MTHFS: variants seen among roughly 807,000 people sequenced by gnomAD.
MTHFS encodes methenyltetrahydrofolate synthetase.
In MTHFS, 7 loss-of-function variants were observed where a neutral mutation model predicts 12.7. That is an observed-to-expected ratio of 0.55 (90% confidence interval 0.31 to 1.03). The LOEUF (loss-of-function observed/expected upper bound fraction) is 1.03. MTHFS is among the 50% of genes least tolerant of loss of function. The pLI, the probability that MTHFS is intolerant of heterozygous loss-of-function variation, is 0.05. For missense variants in MTHFS, 252 were observed against 258.1 expected, an observed-to-expected ratio of 0.98 and a Z score of 0.16; for synonymous variants, 100 against 97.1, an observed-to-expected ratio of 1.03 and a Z score of -0.18.
intron 2 of MTHFS, chr15:79,877,340 T>C (rs2034216174): frequency 6.6e-6 from 1 of 152,000 alleles, no homozygotes; most frequent in Non-Finnish European, 1.5e-5. Flanking sequence ...GAACCTCCTA[T>C]AGTTGATGAA....
chr15:79,879,157 A>G (rs1388350957), intron 2 of MTHFS, among the ~76,000 whole-genome samples: 1 of 151,864 alleles, frequency 6.6e-6, no homozygotes, highest in Non-Finnish European at 1.5e-5. Context: ...TGTATCATCC[A>G]TTAGTGGAAT....
At chr15:79,872,725 T>G (rs1390996739) in intron 2 of MTHFS, among the ~76,000 whole-genome samples, 1 of 152,188 alleles carries the variant, frequency 6.6e-6, no homozygotes, top group Admixed American at 6.5e-5. Flanking sequence ...TGCCATGGCA[T>G]TTGTAAATCG....
Position 79,844,883 on chromosome 15 carries a change from T to G in MTHFS, c.*327A>C. ...AGTGCCCACTCCCGCAAGTTTACCTTCCTCTCGCACTCAGTCGGAGCACAG... is the reference window on the plus strand; with the variant it reads ...AGTGCCCACTCCCGCAAGTTTACCTGCCTCTCGCACTCAGTCGGAGCACAG... On this transcript the variant is annotated 3_prime_UTR_variant, in exon 3 of 3. Coordinates refer to ENST00000258874, the MANE Select transcript of MTHFS (RefSeq NM_006441.4). 1 of 311,072 alleles carries G rather than the reference T, an allele frequency of 3.2e-6. No homozygotes were observed. The highest frequency in any genetic ancestry group is 6.0e-6 in the Non-Finnish European group (1 of 165,612). The allele number at this position is 311,072 out of a possible 1,614,324, so 19.3% of individuals were successfully genotyped here.
At chr15:79,870,236 C>T (rs1353182531) in intron 2 of MTHFS, among the ~76,000 whole-genome samples, 1 of 152,218 alleles carries the variant, frequency 6.6e-6, no homozygotes, top group Admixed American at 6.5e-5. Context: ...AGGTCACAAA[C>T]TATAGCCCTA....
chr15:79,847,978 T>C (rs1184881318), intron 2 of MTHFS, among the ~76,000 whole-genome samples: 1 of 152,220 alleles, frequency 6.6e-6, no homozygotes, highest in African/African-American at 2.4e-5. Flanking sequence ...AACTACCATA[T>C]GGCCCAGCAA....
At chr15:79,851,557 G>A (rs1210521360) in intron 2 of MTHFS, among the ~76,000 whole-genome samples, 1 of 152,154 alleles carries the variant, frequency 6.6e-6, no homozygotes, top group African/African-American at 2.4e-5. Context: ...CCTACGATGT[G>A]TCAGCCAAGA....
intron 2 of MTHFS, among the ~76,000 whole-genome samples, chr15:79,860,821 G>A (rs1422825229): frequency 3.9e-5 from 6 of 152,114 alleles, no homozygotes; most frequent in African/African-American, 4.8e-5. Flanking sequence ...TGAGGTTTCC[G>A]GTTACAGTGT....
In MTHFS at chr15:79,843,772, A is replaced by T. The variant is rs2033560867; in HGVS notation, c.*1438T>A. On this transcript the variant is annotated 3_prime_UTR_variant, in exon 3 of 3. Coordinates refer to ENST00000258874, the MANE Select transcript of MTHFS (RefSeq NM_006441.4). Reference sequence around the variant, plus strand: ...GCTCACAGTATGGTGAAGGGGACAGATATGACAACAAATAATTTGATACGT... The same window carrying T: ...GCTCACAGTATGGTGAAGGGGACAGTTATGACAACAAATAATTTGATACGT... 2 of 152,254 alleles carry T rather than the reference A, an allele frequency of 1.3e-5. No individual in the cohort carries two copies. Among genetic ancestry groups the T allele is most frequent in the Admixed American group, 6.5e-5 (1 of 15,284 alleles). The allele number at this position is 152,254 out of a possible 1,614,324, so 9.4% of individuals were successfully genotyped here.
chr15:79,846,053 T>G (rs1020159749), intron 2 of MTHFS, among the ~76,000 whole-genome samples: 1 of 152,220 alleles, frequency 6.6e-6, no homozygotes, highest in African/African-American at 2.4e-5. Context: ...ACTAGTTCTC[T>G]GGCTACAACC....
chr15:79,847,879 C>A (rs183329717), intron 2 of MTHFS, among the ~76,000 whole-genome samples: 22 of 152,256 alleles, frequency 1.4e-4, no homozygotes, highest in Middle Eastern at 6.8e-3. Context: ...GTGGAGAAAT[C>A]AGAACCCTTG....
At chr15:79,887,528 G>A (rs2034403109) in intron 2 of MTHFS, among the ~76,000 whole-genome samples, 1 of 152,216 alleles carries the variant, frequency 6.6e-6, no homozygotes. Flanking sequence ...ACATTATAGA[G>A]ATGATACAAG....
At chr15:79,894,251 C>T (rs1596085255) in intron 1 of MTHFS, among the ~76,000 whole-genome samples, 1 of 152,026 alleles carries the variant, frequency 6.6e-6, no homozygotes, top group African/African-American at 2.4e-5. Flanking sequence ...CATGGCGGCA[C>T]GTGCCTGTAA....
chr15:79,855,173 G>GT (rs1284180714), intron 2 of MTHFS, among the ~76,000 whole-genome samples: 1 of 151,834 alleles, frequency 6.6e-6, no homozygotes, highest in East Asian at 1.9e-4. Flanking sequence ...CTGCCATAAG[G>GT]TTTTTAACAA....
chr15:79,851,941 T>C (rs1303940834), intron 2 of MTHFS, among the ~76,000 whole-genome samples: 2 of 152,196 alleles, frequency 1.3e-5, no homozygotes, highest in Non-Finnish European at 2.9e-5. Flanking sequence ...TTATTAGCTA[T>C]GAAACATCAT....
At chr15:79,849,891 C>G (rs1457979761) in intron 2 of MTHFS, among the ~76,000 whole-genome samples, 3 of 152,258 alleles carry the variant, frequency 2.0e-5, no homozygotes, top group Non-Finnish European at 4.4e-5. Context: ...GGAAAACTCA[C>G]CCAACCCCAC....
At chr15:79,881,548 CTGTG>C (rs2034294797) in intron 2 of MTHFS, among the ~76,000 whole-genome samples, 1 of 150,736 alleles carries the variant, frequency 6.6e-6, no homozygotes, top group East Asian at 1.9e-4. Flanking sequence ...CTGGTTCTTC[CTGTG>C]TATTTAGCCG....
chr15:79,853,093 C>T (rs1248167462), intron 2 of MTHFS, among the ~76,000 whole-genome samples: 1 of 152,098 alleles, frequency 6.6e-6, no homozygotes, highest in African/African-American at 2.4e-5. Context: ...AATCCTTCTA[C>T]CCATAATACA....
At chr15:79,857,225 T>C (rs1479725275) in intron 2 of MTHFS, among the ~76,000 whole-genome samples, 1 of 152,160 alleles carries the variant, frequency 6.6e-6, no homozygotes, top group Non-Finnish European at 1.5e-5. Context: ...CTCGAACTCC[T>C]GATCCTCAGG....
chr15:79,855,964 C>G (rs563846894), intron 2 of MTHFS, among the ~76,000 whole-genome samples: 1 of 152,172 alleles, frequency 6.6e-6, no homozygotes, highest in African/African-American at 2.4e-5. Context: ...TATGAATAGT[C>G]CTGCAATGAA....
Sources: allele counts gnomAD v4.1 joint callset (sites outside exome capture counted in the v4.1 genomes callset), GRCh38; gene constraint gnomAD v4.1.1; transcripts MANE v1.5; gene names NCBI Gene and HGNC (gene_info 2026-07-23, HGNC 2026-07-21).